Variants in SPECC1 observed in about 807,000 individuals in gnomAD.
SPECC1 encodes sperm antigen with calponin homology and coiled-coil domains 1, also known as cytospin-B.
SPECC1 carries 62 observed loss-of-function variants against 104.1 expected under a neutral mutation model. The ratio of observed to expected loss-of-function variants is 0.60; its 90% CI spans 0.49 to 0.74. SPECC1 has a LOEUF of 0.74. Among genes scored for constraint, SPECC1 ranks in the 30% least tolerant of loss-of-function variants. The pLI, the probability that SPECC1 is intolerant of heterozygous loss-of-function variation, is 0.00. For missense variants in SPECC1, 1,306 were observed against 1,310.5 expected, an observed-to-expected ratio of 1.00 and a Z score of 0.05; for synonymous variants, 513 against 501.6, an observed-to-expected ratio of 1.02 and a Z score of -0.30.
At chr17:20,117,361 C>T (rs1470782249) in intron 3 of SPECC1, among the ~76,000 whole-genome samples, 2 of 151,976 alleles carry the variant, frequency 1.3e-5, no homozygotes, top group South Asian at 2.1e-4. Context: ...GGAACAGACA[C>T]AGAAGCCATA....
At chr17:20,304,489 C>A (rs2041697884) in intron 13 of SPECC1, among the ~76,000 whole-genome samples, 1 of 151,856 alleles carries the variant, frequency 6.6e-6, no homozygotes, top group Admixed American at 6.6e-5. Flanking sequence ...AGGAAGAGTC[C>A]CCAAAAGAAG....
At chr17:20,170,487 A>G (rs1178359150) in intron 3 of SPECC1, among the ~76,000 whole-genome samples, 2 of 152,160 alleles carry the variant, frequency 1.3e-5, no homozygotes, top group East Asian at 3.9e-4. Context: ...CCACACCACT[A>G]CAAAAGTGAC....
At chr17:20,259,909 AGTAAACAAATGAAAGACT>A (rs2039967013) in intron 11 of SPECC1, among the ~76,000 whole-genome samples, 1 of 152,224 alleles carries the variant, frequency 6.6e-6, no homozygotes. Flanking sequence ...ACTGTACTTA[AGTAAACAAATGAAAGACT>A]AGATGGATGA....
At chr17:20,218,801 G>GC (rs2078270365) in intron 4 of SPECC1, among the ~76,000 whole-genome samples, 1 of 151,894 alleles carries the variant, frequency 6.6e-6, no homozygotes, top group South Asian at 2.1e-4. Flanking sequence ...TTCCACCCCT[G>GC]CCCCACCACC....
chr17:20,294,603 G>T (rs1486911712), intron 12 of SPECC1, among the ~76,000 whole-genome samples: 1 of 151,542 alleles, frequency 6.6e-6, no homozygotes, highest in Non-Finnish European at 1.5e-5. Flanking sequence ...GGGGATGATG[G>T]TCATGGTTAT....
intron 3 of SPECC1, among the ~76,000 whole-genome samples, chr17:20,181,166 G>A (rs962639289): frequency 6.6e-6 from 1 of 152,070 alleles, no homozygotes; most frequent in Non-Finnish European, 1.5e-5. Context: ...GAATAGAACT[G>A]AATCTATAGT....
In SPECC1 at chr17:20,096,519, T is replaced by A. The variant is rs562077021; in HGVS notation, c.-21-112T>A. 12 of 1,233,592 alleles carry A rather than the reference T, an allele frequency of 9.7e-6. No homozygotes were observed. In the African/African-American group the frequency reaches 1.5e-4, roughly 15 times the overall value. 76.4% of individuals were successfully genotyped at this position (1,233,592 alleles called of 1,614,324 possible). A position where few individuals can be genotyped will look rare whatever the true frequency, so the allele number is the denominator to read the frequency against. ...CTATTTCCAGCCAAATCATAGGTGC[T>A]CCTACTCTGTGATAGTTCATGGTGA... On this transcript the variant is annotated intron_variant, in intron 1 of 14. Transcript: ENST00000395527.
At chr17:20,283,698 C>T (rs1049710466) in intron 12 of SPECC1, among the ~76,000 whole-genome samples, 4 of 152,066 alleles carry the variant, frequency 2.6e-5, no homozygotes, top group African/African-American at 7.2e-5. Context: ...GCAGTCCTCC[C>T]ACCTCAGCCT....
intron 3 of SPECC1, among the ~76,000 whole-genome samples, chr17:20,150,066 G>A (rs1020403169): frequency 2.8e-4 from 42 of 151,848 alleles, no homozygotes; most frequent in African/African-American, 9.4e-4. Context: ...TCCGCCTCCC[G>A]GGTTCACACC....
At position 20,096,741 on chromosome 17, in the gene SPECC1, C is replaced by T. The variant is rs199639674; in HGVS notation, c.90C>T (p.Ser30=). The T allele has an allele frequency of 9.0e-5, 146 of 1,614,112 alleles. No individual in the cohort carries two copies. Among genetic ancestry groups the T allele is most frequent in the Middle Eastern group, 3.3e-4 (2 of 6,084 alleles). The change falls in exon 2 of 15, where the codon TCC becomes TCT. Residue 30 remains serine, a synonymous_variant. Coordinates refer to ENST00000395527, the MANE Select transcript of SPECC1 (RefSeq NM_001243439.2). ...TGCGGCCTCTGCCTGCAGCCTCTTCCGGCATGAAGAGTTCTAAGTCTTCAA... is the reference window on the plus strand; with the variant it reads ...TGCGGCCTCTGCCTGCAGCCTCTTCTGGCATGAAGAGTTCTAAGTCTTCAA... ...DRVRPLPAAS[S]GMKSSKSSTS... is the part of the protein sequence containing the mutation.
chr17:20,156,461 C>A (rs1280960795), intron 3 of SPECC1, among the ~76,000 whole-genome samples: 1 of 152,158 alleles, frequency 6.6e-6, no homozygotes, highest in Non-Finnish European at 1.5e-5. Flanking sequence ...ACCTGGGCGC[C>A]GGGGCCGCCG....
At chr17:20,114,800 T>C (rs968148339) in intron 3 of SPECC1, among the ~76,000 whole-genome samples, 1 of 152,234 alleles carries the variant, frequency 6.6e-6, no homozygotes, top group African/African-American at 2.4e-5. Flanking sequence ...AGGGCACATA[T>C]GCATAGTGGG....
chr17:20,116,614 T>C (rs1047729864), intron 3 of SPECC1, among the ~76,000 whole-genome samples: 9 of 152,068 alleles, frequency 5.9e-5, no homozygotes, highest in African/African-American at 2.2e-4. Context: ...TTAAACTTAG[T>C]ACAAGATATA....
intron 3 of SPECC1, chr17:20,112,661 C>T (rs1310105672): frequency 2.1e-6 from 2 of 943,682 alleles, no homozygotes; most frequent in Non-Finnish European, 3.5e-6. Context: ...AGTCAAGACA[C>T]TCTGTTCTAA....
At chr17:20,301,055 A>G (rs1365019219) in intron 13 of SPECC1, among the ~76,000 whole-genome samples, 1 of 152,168 alleles carries the variant, frequency 6.6e-6, no homozygotes, top group Non-Finnish European at 1.5e-5. Context: ...TGGAGGAGCC[A>G]CAGTGGCTGC....
At chr17:20,109,607 A>G (rs979981530) in intron 2 of SPECC1, among the ~76,000 whole-genome samples, 5 of 152,210 alleles carry the variant, frequency 3.3e-5, no homozygotes, top group African/African-American at 1.2e-4. Context: ...TCCAGCCTCC[A>G]AGATTTCCTT....
chr17:20,291,570 G>T (rs568215457), intron 12 of SPECC1, among the ~76,000 whole-genome samples: 14 of 152,000 alleles, frequency 9.2e-5, no homozygotes, highest in South Asian at 2.1e-4. Context: ...TTTAAAAGAC[G>T]GTTTTGCTCT....
At position 20,315,389 on chromosome 17, in the gene SPECC1, T is replaced by C. The variant is rs1410086655; in HGVS notation, c.*1324T>C. The C allele has an allele frequency of 2.1e-5, 5 of 232,786 alleles. No individual in the cohort carries two copies. The highest frequency in any genetic ancestry group is 4.2e-5 in the Non-Finnish European group (5 of 117,848). 14.4% of individuals were successfully genotyped at this position (232,786 alleles called of 1,614,324 possible). A position where few individuals can be genotyped will look rare whatever the true frequency, so the allele number is the denominator to read the frequency against. On this transcript the variant is annotated 3_prime_UTR_variant, in exon 15 of 15. Transcript: ENST00000395527. The stretch of plus-strand genomic sequence containing the variant: ...GCCCCAGTCCCTCAGAAGTGCTCAG[T>C]CCGGCCCGAGTGCCCATCTGGTGGC...
At chr17:20,215,786 T>C (rs1287796729) in intron 4 of SPECC1, among the ~76,000 whole-genome samples, 2 of 152,244 alleles carry the variant, frequency 1.3e-5, no homozygotes, top group Non-Finnish European at 2.9e-5. Context: ...TGTTGGGTAA[T>C]CTATAAACCT....
Sources: allele counts gnomAD v4.1 joint callset (sites outside exome capture counted in the v4.1 genomes callset), GRCh38; gene constraint gnomAD v4.1.1; transcripts MANE v1.5; gene names NCBI Gene and HGNC (gene_info 2026-07-23, HGNC 2026-07-21).